The following EFCAB5 variants were observed in gnomAD, a reference collection of about 807,000 sequenced individuals.
EFCAB5 encodes the protein EF-hand calcium-binding domain-containing protein 5.
Under a neutral mutation model 167.9 loss-of-function variants are expected in EFCAB5, and 131 were observed. The ratio of observed to expected loss-of-function variants is 0.78; its 90% CI spans 0.68 to 0.90. The LOEUF is 0.90. EFCAB5 is among the 40% of genes least tolerant of loss of function. EFCAB5 has a pLI of 0.00. For synonymous variants in EFCAB5, 574 were observed against 602.8 expected, an observed-to-expected ratio of 0.95 and a Z score of 0.70; for missense variants, 1,663 against 1,745.2, an observed-to-expected ratio of 0.95 and a Z score of 0.84.
chr17:30,054,072 A>T lies in EFCAB5; in HGVS notation c.2118A>T (p.Thr706=). 6.3e-7 allele frequency: 1 copy of T among 1,593,264 alleles called. No homozygotes were observed. The highest frequency in any genetic ancestry group is 8.6e-7 in the Non-Finnish European group (1 of 1,168,922). ...PLQEKRSWEQ[T]YEEEIFLSSE... The stretch of plus-strand genomic sequence containing the variant: ...AGGAAAAGAGGTCTTGGGAACAAAC[A>T]TATGAAGAGGAAATATTCCTGAGTT... Residue 706 remains threonine, a synonymous_variant, in exon 10 of 23, where the codon ACA becomes ACT. Transcript: ENST00000394835.
At chr17:30,003,261 G>A (rs190569320) in intron 7 of EFCAB5, among the ~76,000 whole-genome samples, 1 of 151,910 alleles carries the variant, frequency 6.6e-6, no homozygotes, top group East Asian at 1.9e-4. Flanking sequence ...TTTCAGACAG[G>A]TTCTTGCTCT....
chr17:30,069,292 A>G, intron 14 of EFCAB5: 1 of 1,492,508 alleles, frequency 6.7e-7, no homozygotes, highest in Middle Eastern at 1.7e-4. Flanking sequence ...GAGATGGCAA[A>G]GGTGAAGATG....
intron 3 of EFCAB5, among the ~76,000 whole-genome samples, chr17:29,952,227 T>C (rs1220660698): frequency 6.6e-6 from 1 of 152,194 alleles, no homozygotes; most frequent in African/African-American, 2.4e-5. Context: ...CCTCCAGCCC[T>C]TTTAGAAAGG....
At chr17:30,106,347 C>G (rs1290285910) in intron 22 of EFCAB5, among the ~76,000 whole-genome samples, 2 of 151,948 alleles carry the variant, frequency 1.3e-5, no homozygotes, top group Admixed American at 6.6e-5. Flanking sequence ...ATGGTTTACT[C>G]AAATCAGCAA....
Position 30,092,932 on chromosome 17 carries a change from C to G in EFCAB5, c.4317C>G (p.Ile1439Met). The G allele has an allele frequency of 6.3e-7, 1 of 1,598,164 alleles. No individual in the cohort carries two copies. Among genetic ancestry groups the G allele is most frequent in the Non-Finnish European group, 8.5e-7 (1 of 1,172,450 alleles). Reference protein sequence around the residue: ...EVNVQLIDEYIRDHSRTEVWK... With the variant: ...EVNVQLIDEYMRDHSRTEVWK... ...ATGTACAGCTTATTGATGAATATAT[C>G]AGAGGTAAATTTCCACTTAATTACA... Residue 1439 changes from isoleucine (I) to methionine (M), a missense_variant, in exon 22 of 23, where the codon ATC becomes ATG. Coordinates refer to ENST00000394835, the MANE Select transcript of EFCAB5 (RefSeq NM_198529.4).
chr17:30,103,013 A>AT (rs2151860849), intron 22 of EFCAB5, among the ~76,000 whole-genome samples: 1 of 151,572 alleles, frequency 6.6e-6, no homozygotes, highest in East Asian at 1.9e-4. Flanking sequence ...TAATTTTTGT[A>AT]TTTTTTGTAG....
intron 3 of EFCAB5, among the ~76,000 whole-genome samples, chr17:29,959,152 G>A (rs1198544662): frequency 6.6e-6 from 1 of 151,932 alleles, no homozygotes; most frequent in East Asian, 1.9e-4. Flanking sequence ...CTATTGTCTG[G>A]CTACTGCTGA....
At chr17:30,103,493 C>T (rs573685158) in intron 22 of EFCAB5, among the ~76,000 whole-genome samples, 29 of 152,178 alleles carry the variant, frequency 1.9e-4, no homozygotes, top group African/African-American at 5.3e-4. Flanking sequence ...AACTGATATA[C>T]GTGCAAGAAC....
intron 3 of EFCAB5, 117 bp downstream of exon 3, chr17:29,943,766 G>A: frequency 2.6e-6 from 2 of 772,426 alleles, no homozygotes; most frequent in Non-Finnish European, 3.9e-6. Flanking sequence ...CAGAGGTCAG[G>A]AGTTCGAAAC....
In EFCAB5 at chr17:30,087,046, G is replaced by C; in HGVS notation, c.3580-17G>C. On this transcript the variant is annotated splice_polypyrimidine_tract_variant and intron_variant, in intron 18 of 22. Coordinates refer to ENST00000394835, the MANE Select transcript of EFCAB5 (RefSeq NM_198529.4). ...GAGGTCTAATTACTCCTAATGAAAT[G>C]CCTTCCTCTTTTCAAGGATTCAGAC... 1 of 1,610,428 alleles carries C rather than the reference G, an allele frequency of 6.2e-7. No individual in the cohort carries two copies. Among genetic ancestry groups the C allele is most frequent in the Admixed American group, 1.7e-5 (1 of 59,940 alleles).
At chr17:29,983,077 G>C (rs896704962) in intron 4 of EFCAB5, among the ~76,000 whole-genome samples, 7 of 152,196 alleles carry the variant, frequency 4.6e-5, no homozygotes, top group Admixed American at 4.6e-4. Flanking sequence ...TTGTAGATTG[G>C]TAACTTTGAG....
At chr17:30,072,705 G>T (rs1336582253) in intron 14 of EFCAB5, among the ~76,000 whole-genome samples, 1 of 152,128 alleles carries the variant, frequency 6.6e-6, no homozygotes, top group East Asian at 1.9e-4. Context: ...CAGAAGCAAT[G>T]CTGTGTTCTT....
chr17:30,048,030 C>T (rs1277111792), intron 8 of EFCAB5, among the ~76,000 whole-genome samples: 1 of 152,126 alleles, frequency 6.6e-6, no homozygotes, highest in African/African-American at 2.4e-5. Flanking sequence ...CAGGGATTAC[C>T]AGATATTGAT....
At chr17:29,965,333 T>G (rs2151569052) in intron 3 of EFCAB5, among the ~76,000 whole-genome samples, 2 of 152,304 alleles carry the variant, frequency 1.3e-5, no homozygotes, top group South Asian at 4.1e-4. Flanking sequence ...GCTTTGTGCG[T>G]TTTCTAGTTT....
intron 1 of EFCAB5, among the ~76,000 whole-genome samples, chr17:29,934,771 C>A (rs1266563431): frequency 6.6e-6 from 1 of 152,152 alleles, no homozygotes; most frequent in Admixed American, 6.5e-5. Context: ...GGACCATGGG[C>A]ATACTAGGGT....
intron 8 of EFCAB5, 30 bp from the exon 9 acceptor site, chr17:30,051,088 A>T (rs755460966): frequency 6.2e-7 from 1 of 1,607,312 alleles, no homozygotes; most frequent in Non-Finnish European, 8.5e-7. Flanking sequence ...CTCCTGTAAC[A>T]ACTAATCACA....
chr17:30,102,485 C>G (rs1014380007), intron 22 of EFCAB5, among the ~76,000 whole-genome samples: 3 of 152,068 alleles, frequency 2.0e-5, no homozygotes, highest in Non-Finnish European at 2.9e-5. Flanking sequence ...ATTCTCCTGC[C>G]TCAGCCTCCT....
At chr17:30,019,697 C>T (rs758910275) in intron 7 of EFCAB5, among the ~76,000 whole-genome samples, 5 of 152,038 alleles carry the variant, frequency 3.3e-5, no homozygotes, top group South Asian at 2.1e-4. Flanking sequence ...CCACACACCT[C>T]GGCCTCCCAA....
rs1303924519 is a variant in EFCAB5 at position 30,092,479 on chromosome 17, C to T, written c.4224+322C>T. ...CTCGGCTCACTGCAACCTCCACCTC[C>T]TGGGTTCAAGCAATTCTCCTGCCTC... is the stretch of plus-strand genomic sequence containing the variant. On this transcript the variant is annotated intron_variant, in intron 21 of 22. Coordinates refer to ENST00000394835, the MANE Select transcript of EFCAB5 (RefSeq NM_198529.4). 3.3e-5 allele frequency among the ~76,000 whole-genome samples: 5 copies of T among 152,106 alleles called. No individual in the cohort carries two copies. The East Asian group carries it at 7.7e-4, about 23-fold the overall frequency.
Sources: gnomAD v4.1 joint callset for allele counts (sites outside exome capture counted in the v4.1 genomes callset) on GRCh38, gnomAD v4.1.1 for gene constraint, MANE v1.5 for transcripts, NCBI Gene and HGNC (gene_info 2026-07-23, HGNC 2026-07-21) for gene names.